TTLL5: variants seen among roughly 807,000 people sequenced by gnomAD.
TTLL5 encodes the protein tubulin tyrosine ligase like 5.
TTLL5 carries 132 observed loss-of-function variants against 168.4 expected under a neutral mutation model. That is an observed-to-expected ratio of 0.78 (90% CI 0.68 to 0.91). TTLL5 has a LOEUF of 0.91. TTLL5 is among the 40% of genes least tolerant of loss of function. The pLI is 0.00. For synonymous variants in TTLL5, 546 were observed against 558.6 expected, an observed-to-expected ratio of 0.98 and a Z score of 0.32; for missense variants, 1,545 against 1,581.5, an observed-to-expected ratio of 0.98 and a Z score of 0.39.
intron 18 of TTLL5, among the ~76,000 whole-genome samples, chr14:75,761,159 A>C (rs1890620353): frequency 6.6e-6 from 1 of 152,148 alleles, no homozygotes; most frequent in Non-Finnish European, 1.5e-5. Flanking sequence ...GTTATCAGGG[A>C]ATTACAAAGT....
chr14:75,750,932 T>C (rs1889909593), intron 17 of TTLL5, among the ~76,000 whole-genome samples: 1 of 152,108 alleles, frequency 6.6e-6, no homozygotes, highest in Non-Finnish European at 1.5e-5. Flanking sequence ...GATGGTACAG[T>C]GAGATGAGAT....
At chr14:75,784,204 A>G (rs763611999) in intron 26 of TTLL5, among the ~76,000 whole-genome samples, 4 of 152,110 alleles carry the variant, frequency 2.6e-5, no homozygotes, top group Admixed American at 2.0e-4. Context: ...TCCTCCCCCA[A>G]GCCCCTGGCA....
chr14:75,845,289 A>C (rs1896482759), intron 28 of TTLL5, among the ~76,000 whole-genome samples: 1 of 152,176 alleles, frequency 6.6e-6, no homozygotes, highest in South Asian at 2.1e-4. Context: ...ATACTAAATG[A>C]TAAAGATGAA....
At chr14:75,902,283 G>T (rs1277114348) in intron 31 of TTLL5, 59 bp downstream of exon 31, 49 of 1,553,868 alleles carry the variant, frequency 3.2e-5, no homozygotes, top group Non-Finnish European at 9.7e-6. Flanking sequence ...GTTGGGCTTG[G>T]CACATTCTCT....
At chr14:75,825,520 ACT>A (rs1895070636) in intron 28 of TTLL5, among the ~76,000 whole-genome samples, 1 of 151,694 alleles carries the variant, frequency 6.6e-6, no homozygotes. Flanking sequence ...GCCAGTAAAC[ACT>A]CATATTTTCC....
intron 5 of TTLL5, 99 bp from the exon 6 acceptor site, chr14:75,690,093 C>G: frequency 7.8e-7 from 1 of 1,290,028 alleles, no homozygotes; most frequent in South Asian, 1.4e-5. Flanking sequence ...TCTTCACTAA[C>G]CGGTCTAGGA....
At chr14:75,794,333 G>A (rs991473934) in intron 27 of TTLL5, among the ~76,000 whole-genome samples, 1 of 151,926 alleles carries the variant, frequency 6.6e-6, no homozygotes, top group Non-Finnish European at 1.5e-5. Context: ...CTATGAGACG[G>A]GAAAGGCCAG....
intron 28 of TTLL5, among the ~76,000 whole-genome samples, chr14:75,859,457 A>T (rs1249081069): frequency 6.6e-6 from 1 of 152,238 alleles, no homozygotes; most frequent in African/African-American, 2.4e-5. Context: ...AAGGGGAAAT[A>T]CAGCCTAATT....
intron 27 of TTLL5, among the ~76,000 whole-genome samples, chr14:75,804,658 A>G (rs554143382): frequency 1.1e-4 from 17 of 152,342 alleles, no homozygotes; most frequent in African/African-American, 4.1e-4. Context: ...TCTTTTTACC[A>G]TATACATTAT....
At chr14:75,859,429 C>T (rs1897297315) in intron 28 of TTLL5, among the ~76,000 whole-genome samples, 1 of 152,098 alleles carries the variant, frequency 6.6e-6, no homozygotes, top group Non-Finnish European at 1.5e-5. Context: ...ATATTGTTGC[C>T]TATTTGCTAC....
intron 28 of TTLL5, among the ~76,000 whole-genome samples, chr14:75,845,713 C>T (rs879306489): frequency 1.4e-4 from 22 of 152,118 alleles, no homozygotes; most frequent in Admixed American, 1.2e-3. Flanking sequence ...GAGGTGATAC[C>T]ATTTGTCCAT....
At chr14:75,807,520 A>G (rs1444979781) in intron 27 of TTLL5, among the ~76,000 whole-genome samples, 1 of 152,238 alleles carries the variant, frequency 6.6e-6, no homozygotes, top group Non-Finnish European at 1.5e-5. Context: ...CTTACTTTGT[A>G]CTAGGCACTG....
At chr14:75,739,392 A>G (rs1889109502) in intron 15 of TTLL5, among the ~76,000 whole-genome samples, 1 of 151,902 alleles carries the variant, frequency 6.6e-6, no homozygotes. Flanking sequence ...CAGTATTTTC[A>G]TTGGAGCTAA....
chr14:75,895,562 T>TA (rs1230818087), intron 30 of TTLL5, among the ~76,000 whole-genome samples: 1 of 152,092 alleles, frequency 6.6e-6, no homozygotes, highest in African/African-American at 2.4e-5. Context: ...TTTAAAAAAA[T>TA]AGAGTACCTA....
rs557322438 is a variant in TTLL5, at chr14:75,817,986, C to T, written c.3172-2021C>T. 1.6e-4 allele frequency among the ~76,000 whole-genome samples: 24 copies of T among 151,082 alleles called. No individual in the cohort carries two copies. The South Asian group carries it at 1.9e-3, about 12-fold the overall frequency. On this transcript the variant is annotated intron_variant, in intron 27 of 31. Transcript: ENST00000298832. ...CCGAGTAGCTGGGACTACAGGTGCC[C>T]GCCACCACGCCCAGCTAATTTTTTT... is the stretch of plus-strand genomic sequence containing the variant.
intron 28 of TTLL5, chr14:75,838,117 C>G (rs1341660585): frequency 2.0e-5 from 3 of 152,074 alleles, no homozygotes; most frequent in African/African-American, 7.2e-5. Context: ...TATATAAAAG[C>G]ACTACATGGT....
At chr14:75,866,782 A>G (rs891647871) in intron 29 of TTLL5, among the ~76,000 whole-genome samples, 4 of 152,204 alleles carry the variant, frequency 2.6e-5, no homozygotes, top group Non-Finnish European at 5.9e-5. Flanking sequence ...TCATCTCAGT[A>G]TAGCATTGCA....
chr14:75,745,044 T>C lies in TTLL5; in HGVS notation c.1282-51T>C, dbSNP rs373704000. The C allele has an allele frequency of 2.2e-5, 31 of 1,428,392 alleles. No individual in the cohort carries two copies. In the African/African-American group the frequency reaches 4.1e-4, roughly 19 times the overall value. The allele number at this position is 1,428,392 out of a possible 1,614,324, so 88.5% of individuals were successfully genotyped here. ...GGAATGAACAGAGGGTAATGAGGAG[T>C]AATGAAAACTTAAAAAATTTTTTTT... On this transcript the variant is annotated intron_variant, in intron 15 of 31. Coordinates refer to ENST00000298832, the MANE Select transcript of TTLL5 (RefSeq NM_015072.5).
chr14:75,884,229 C>T (rs2031972999), intron 30 of TTLL5, among the ~76,000 whole-genome samples: 1 of 152,242 alleles, frequency 6.6e-6, no homozygotes, highest in Middle Eastern at 3.4e-3. Flanking sequence ...TTGGAAAGCC[C>T]GTAGTTAACT....
Sources: gnomAD v4.1 joint callset for allele counts (sites outside exome capture counted in the v4.1 genomes callset) on GRCh38, gnomAD v4.1.1 for gene constraint, MANE v1.5 for transcripts, NCBI Gene and HGNC (gene_info 2026-07-23, HGNC 2026-07-21) for gene names.